Variants in UBE2J1 observed in about 807,000 individuals in gnomAD.
The protein encoded by UBE2J1 is ubiquitin-conjugating enzyme E2 J1.
UBE2J1 carries 17 observed loss-of-function variants against 42.1 expected under a neutral mutation model. The ratio of observed to expected loss-of-function variants is 0.40; its 90% CI spans 0.28 to 0.61. UBE2J1 has a LOEUF of 0.61. Among genes scored for constraint, UBE2J1 ranks in the 20% least tolerant of loss-of-function variants. The probability of loss-of-function intolerance (pLI) is 0.38; values close to 1 mark genes in which losing one functional copy is unlikely to be tolerated. For synonymous variants in UBE2J1, 127 were observed against 137.2 expected, an observed-to-expected ratio of 0.93 and a Z score of 0.52; for missense variants, 291 against 389.4, an observed-to-expected ratio of 0.75 and a Z score of 2.13.
chr6:89,352,649 G>T lies in UBE2J1; in HGVS notation c.-80C>A. The T allele has an allele frequency of 6.9e-7, 1 of 1,445,696 alleles. No homozygotes were observed. Among genetic ancestry groups the T allele is most frequent in the Non-Finnish European group, 9.1e-7 (1 of 1,096,242 alleles). The allele number at this position is 1,445,696 out of a possible 1,614,324, so 89.6% of individuals were successfully genotyped here. Reference sequence around the variant, plus strand: ...GCGGCCGCTGCCCGGGTCTCAGCGCGGCTCGGGCGGACGGGGCCTGGCCGA... The same window carrying T: ...GCGGCCGCTGCCCGGGTCTCAGCGCTGCTCGGGCGGACGGGGCCTGGCCGA... On this transcript the variant is annotated 5_prime_UTR_variant, in exon 1 of 8. Transcript: ENST00000435041.
In UBE2J1 at chr6:89,329,003, T is replaced by A. The variant is rs2127858620; in HGVS notation, c.*676A>T. 6.6e-6 allele frequency: 1 copy of A among 152,322 alleles called. No individual in the cohort carries two copies. Among genetic ancestry groups the A allele is most frequent in the Admixed American group, 6.5e-5 (1 of 15,292 alleles). The allele number at this position is 152,322 out of a possible 1,614,324, so 9.4% of individuals were successfully genotyped here. ...TTTCTTTCTTTTTAAATTTGTGTGA[T>A]TATGGCAGCAGAGGGCAGGGGGTGG... On this transcript the variant is annotated 3_prime_UTR_variant, in exon 8 of 8. Coordinates refer to ENST00000435041, the MANE Select transcript of UBE2J1 (RefSeq NM_016021.3).
At chr6:89,338,659 T>G (rs1479083683) in intron 3 of UBE2J1, 116 bp from the exon 4 acceptor site, 15 of 69,708 alleles carry the variant, frequency 2.2e-4, no homozygotes, top group African/African-American at 8.1e-4. Context: ...AAAAGTTTGT[T>G]TTTTTTTTTT....
At chr6:89,346,437 C>T (rs1040280952) in intron 1 of UBE2J1, among the ~76,000 whole-genome samples, 1 of 152,048 alleles carries the variant, frequency 6.6e-6, no homozygotes, top group Non-Finnish European at 1.5e-5. Flanking sequence ...CTGAGACACC[C>T]TCTCCCTCCA....
At chr6:89,334,191 G>A (rs191802404) in intron 6 of UBE2J1, among the ~76,000 whole-genome samples, 160 of 151,974 alleles carry the variant, frequency 1.1e-3, no homozygotes, top group African/African-American at 3.8e-3. Context: ...TTTTAGTAGA[G>A]ACAGGGTTTC....
chr6:89,337,093 G>A (rs1379247434), intron 5 of UBE2J1, among the ~76,000 whole-genome samples: 1 of 151,922 alleles, frequency 6.6e-6, no homozygotes, highest in Non-Finnish European at 1.5e-5. Context: ...CACCTGTCTT[G>A]GCCTGCCAAA....
chr6:89,343,827 C>A, intron 1 of UBE2J1, 71 bp from the exon 2 acceptor site: 2 of 1,240,054 alleles, frequency 1.6e-6, no homozygotes, highest in South Asian at 1.4e-5. Flanking sequence ...GTCTTACGAG[C>A]CTAATGAAAA....
At chr6:89,350,383 A>C (rs1437564131) in intron 1 of UBE2J1, among the ~76,000 whole-genome samples, 1 of 152,160 alleles carries the variant, frequency 6.6e-6, no homozygotes, top group Non-Finnish European at 1.5e-5. Flanking sequence ...CCTGCCATAC[A>C]CAGGAAATTG....
rs1450194292 is a variant in UBE2J1 at position 89,329,210 on chromosome 6, A to G, written c.*469T>C. ...TTCCAGTACATCTCCTATGAATGACATTTTAAGGAAGCTACTTGAGGAGTT... is the reference window on the plus strand; with the variant it reads ...TTCCAGTACATCTCCTATGAATGACGTTTTAAGGAAGCTACTTGAGGAGTT... On this transcript the variant is annotated 3_prime_UTR_variant, in exon 8 of 8. Transcript: ENST00000435041. 1 of 156,960 alleles carries G rather than the reference A, an allele frequency of 6.4e-6. No individual in the cohort carries two copies. Among genetic ancestry groups the G allele is most frequent in the African/African-American group, 2.4e-5 (1 of 41,484 alleles). 9.7% of individuals were successfully genotyped at this position (156,960 alleles called of 1,614,324 possible). A position where few individuals can be genotyped will look rare whatever the true frequency, so the allele number is the denominator to read the frequency against.
At chr6:89,347,100 CCAA>C (rs2127873019) in intron 1 of UBE2J1, among the ~76,000 whole-genome samples, 1 of 152,138 alleles carries the variant, frequency 6.6e-6, no homozygotes, top group African/African-American at 2.4e-5. Context: ...AATGAGAACC[CCAA>C]CAGGTGAAAC....
In UBE2J1 at chr6:89,352,558, G is replaced by A. The variant is rs779005860; in HGVS notation, c.12C>T (p.Arg4=). 7 of 1,572,212 alleles carry A rather than the reference G, an allele frequency of 4.5e-6. No individual in the cohort carries two copies. Among genetic ancestry groups the A allele is most frequent in the Admixed American group, 1.7e-5 (1 of 57,424 alleles). Residue 4 remains arginine, a synonymous_variant, in exon 1 of 8, where the codon CGC becomes CGT. Transcript: ENST00000435041. MET[R]YNLKSPAVKR... ...GCTCACCCGGACTCTTCAGGTTGTA[G>A]CGGGTCTCCATGGTGGGTCGCTGGC...
chr6:89,350,028 T>TGACAAATCCATAGACAACTACTGCTA (rs1768440810), intron 1 of UBE2J1, among the ~76,000 whole-genome samples: 1 of 152,144 alleles, frequency 6.6e-6, no homozygotes, highest in South Asian at 2.1e-4. Context: ...AGACAACTAC[T>TGACAAATCCATAGACAACTACTGCTA]GCTACTACAG....
At chr6:89,350,913 A>G (rs1276310800) in intron 1 of UBE2J1, among the ~76,000 whole-genome samples, 2 of 152,008 alleles carry the variant, frequency 1.3e-5, no homozygotes, top group African/African-American at 4.8e-5. Context: ...GAACCGTGTG[A>G]CCAGGGAGCC....
At chr6:89,351,434 T>G (rs1348177186) in intron 1 of UBE2J1, among the ~76,000 whole-genome samples, 2 of 152,130 alleles carry the variant, frequency 1.3e-5, no homozygotes, top group Non-Finnish European at 2.9e-5. Context: ...CTTGGTCACC[T>G]AAGGACATTT....
intron 5 of UBE2J1, among the ~76,000 whole-genome samples, chr6:89,336,705 T>G (rs897800579): frequency 6.6e-6 from 1 of 152,056 alleles, no homozygotes; most frequent in East Asian, 1.9e-4. Context: ...CCTTTGAGAA[T>G]TGGTTATATA....
rs1042084027 is a variant in UBE2J1 at position 89,329,297 on chromosome 6, C to T, written c.*382G>A. 1.2e-5 allele frequency: 3 copies of T among 244,018 alleles called. No homozygotes were observed. Among genetic ancestry groups the T allele is most frequent in the Non-Finnish European group, 2.4e-5 (3 of 126,014 alleles). 15.1% of individuals were successfully genotyped at this position (244,018 alleles called of 1,614,324 possible). A position where few individuals can be genotyped will look rare whatever the true frequency, so the allele number is the denominator to read the frequency against. On this transcript the variant is annotated 3_prime_UTR_variant, in exon 8 of 8. Coordinates refer to ENST00000435041, the MANE Select transcript of UBE2J1 (RefSeq NM_016021.3). The stretch of plus-strand genomic sequence containing the variant: ...TCTACATACGTAGAAACAGAGTACT[C>T]AATAAGTGGTATTGAGTAACTAGTA...
In UBE2J1 at chr6:89,345,593, C is replaced by T. The variant is rs1416049428; in HGVS notation, c.32-1837G>A. ...CTCCAGCCTGGGCTTCAGAGAGAGA[C>T]TATCTCAATAAAACAAACAAACAAA... On this transcript the variant is annotated intron_variant, in intron 1 of 7. Transcript: ENST00000435041. Among the ~76,000 whole-genome samples, 3 of 138,560 alleles carry T rather than the reference C, an allele frequency of 2.2e-5. No individual in the cohort carries two copies. In the East Asian group the frequency reaches 6.6e-4, roughly 30 times the overall value. 90.9% of individuals were successfully genotyped at this position (138,560 alleles called of 152,430 possible).
chr6:89,352,654 G>T lies in UBE2J1; in HGVS notation c.-85C>A. 7.0e-7 allele frequency: 1 copy of T among 1,420,792 alleles called. No individual in the cohort carries two copies. Among genetic ancestry groups the T allele is most frequent in the South Asian group, 1.4e-5 (1 of 72,650 alleles). 88.0% of individuals were successfully genotyped at this position (1,420,792 alleles called of 1,614,324 possible). A position where few individuals can be genotyped will look rare whatever the true frequency, so the allele number is the denominator to read the frequency against. On this transcript the variant is annotated 5_prime_UTR_variant, in exon 1 of 8. Transcript: ENST00000435041. Reference sequence around the variant, plus strand: ...CGCTGCCCGGGTCTCAGCGCGGCTCGGGCGGACGGGGCCTGGCCGAGGAGC... The same window carrying T: ...CGCTGCCCGGGTCTCAGCGCGGCTCTGGCGGACGGGGCCTGGCCGAGGAGC...
rs937801966 is a variant in UBE2J1, at chr6:89,328,910, T to A, written c.*769A>T. 10 of 152,218 alleles carry A rather than the reference T, an allele frequency of 6.6e-5. No individual in the cohort carries two copies. The highest frequency in any genetic ancestry group is 1.0e-4 in the Non-Finnish European group (7 of 68,044). 9.4% of individuals were successfully genotyped at this position (152,218 alleles called of 1,614,324 possible). On this transcript the variant is annotated 3_prime_UTR_variant, in exon 8 of 8. Transcript: ENST00000435041. Reference sequence around the variant, plus strand: ...AAATCTTCAGATCCCCCCATTTAACTTCTGGAAGAAAACCAAGCGATCTCC... The same window carrying A: ...AAATCTTCAGATCCCCCCATTTAACATCTGGAAGAAAACCAAGCGATCTCC...
chr6:89,338,317 TAAA>T lies in UBE2J1; in HGVS notation c.323-10_323-8del, dbSNP rs1446569066. ...GCTAATAATGCTGTCCTTACTGAAA[TAAA>T]AAAGTAAATATCAATCTAAATTGCT... is the stretch of plus-strand genomic sequence containing the variant. On this transcript the variant is annotated splice_polypyrimidine_tract_variant and splice_region_variant and intron_variant, in intron 4 of 7. Coordinates refer to ENST00000435041, the MANE Select transcript of UBE2J1 (RefSeq NM_016021.3). The T allele has an allele frequency of 6.2e-7, 1 of 1,607,310 alleles. No individual in the cohort carries two copies. The highest frequency in any genetic ancestry group is 1.7e-5 in the Admixed American group (1 of 58,696).
Sources: gnomAD v4.1 joint callset for allele counts (sites outside exome capture counted in the v4.1 genomes callset) on GRCh38, gnomAD v4.1.1 for gene constraint, MANE v1.5 for transcripts, NCBI Gene and HGNC (gene_info 2026-07-23, HGNC 2026-07-21) for gene names.